DLG2: variants seen among roughly 807,000 people sequenced by gnomAD.
The protein encoded by DLG2 is discs large MAGUK scaffold protein 2, also known as disks large homolog 2.
In DLG2, 45 loss-of-function variants were observed where a neutral mutation model predicts 132.5. The observed-to-expected ratio is 0.34, with a 90% confidence interval of 0.27 to 0.44. The LOEUF (loss-of-function observed/expected upper bound fraction) is 0.44, where lower values mean the gene tolerates loss of function less well. Among genes scored for constraint, DLG2 ranks in the 20% least tolerant of loss-of-function variants. DLG2 has a pLI of 1.00. For synonymous variants in DLG2, 424 were observed against 419.6 expected (o/e 1.01, Z -0.13); for missense variants, 1,045 against 1,196.9 (o/e 0.87, Z 1.87).
At chr11:84,184,078 T>C (rs1368982596) in intron 8 of DLG2, among the ~76,000 whole-genome samples, 1 of 152,188 alleles carries the variant, frequency 6.6e-6, no homozygotes, top group Non-Finnish European at 1.5e-5. Flanking sequence ...TATAATCCTT[T>C]GGGTATATAC....
At chr11:84,642,134 G>A (rs1177823797) in intron 6 of DLG2, among the ~76,000 whole-genome samples, 1 of 147,168 alleles carries the variant, frequency 6.8e-6, no homozygotes, top group African/African-American at 2.5e-5. Context: ...GTGTGTGTGT[G>A]TGTGTGTGTA....
chr11:83,733,232 C>A (rs1399727631), intron 18 of DLG2, among the ~76,000 whole-genome samples: 4 of 133,394 alleles, frequency 3.0e-5, no homozygotes, highest in Middle Eastern at 3.6e-3. Context: ...TGGAGGGAGA[C>A]CCCATCTCAA....
At chr11:83,703,188 A>G (rs529531431) in intron 18 of DLG2, among the ~76,000 whole-genome samples, 1 of 152,308 alleles carries the variant, frequency 6.6e-6, no homozygotes, top group South Asian at 2.1e-4. Context: ...CCTACAATGG[A>G]ATATAAAGGG....
intron 22 of DLG2, among the ~76,000 whole-genome samples, chr11:83,476,076 T>C (rs568536700): frequency 6.6e-6 from 1 of 152,198 alleles, no homozygotes; most frequent in African/African-American, 2.4e-5. Flanking sequence ...TGCCATTCTT[T>C]AGGAATTCCT....
At chr11:84,816,441 A>G (rs577176794) in intron 6 of DLG2, among the ~76,000 whole-genome samples, 15 of 151,850 alleles carry the variant, frequency 9.9e-5, no homozygotes, top group African/African-American at 3.6e-4. Flanking sequence ...TTGAAATCTA[A>G]TGAATTTTCT....
intron 6 of DLG2, among the ~76,000 whole-genome samples, chr11:84,860,559 C>T (rs140699689): frequency 6.6e-6 from 1 of 152,062 alleles, no homozygotes; most frequent in African/African-American, 2.4e-5. Flanking sequence ...TCAAAAAGCC[C>T]TGTCATGCAT....
At chr11:84,038,530 T>C (rs913738342) in intron 11 of DLG2, among the ~76,000 whole-genome samples, 66 of 152,032 alleles carry the variant, frequency 4.3e-4, no homozygotes, top group Admixed American at 4.3e-3. Flanking sequence ...AATAATGTAA[T>C]ATATGTACAT....
At chr11:84,696,863 C>T in intron 6 of DLG2, among the ~76,000 whole-genome samples, 1 of 151,320 alleles carries the variant, frequency 6.6e-6, no homozygotes. Flanking sequence ...TCTTAATCCT[C>T]AAAATTTCCA....
intron 4 of DLG2, among the ~76,000 whole-genome samples, chr11:85,210,591 T>A (rs2082193160): frequency 6.6e-6 from 1 of 152,114 alleles, no homozygotes. Flanking sequence ...CACTCAGATC[T>A]CTTTCAAAAG....
chr11:84,124,646 T>C (rs1830186611), intron 9 of DLG2, among the ~76,000 whole-genome samples: 1 of 152,094 alleles, frequency 6.6e-6, no homozygotes, highest in Admixed American at 6.5e-5. Flanking sequence ...TCCCACACGG[T>C]ACATGTCAAA....
intron 6 of DLG2, among the ~76,000 whole-genome samples, chr11:84,998,653 A>G (rs1340649530): frequency 1.3e-5 from 2 of 152,200 alleles, no homozygotes; most frequent in Non-Finnish European, 2.9e-5. Flanking sequence ...CTGAGCAGGT[A>G]CGTAAAGTAT....
At chr11:84,612,187 T>C (rs548380333) in intron 6 of DLG2, among the ~76,000 whole-genome samples, 2 of 152,282 alleles carry the variant, frequency 1.3e-5, no homozygotes, top group Admixed American at 1.3e-4. Flanking sequence ...ATGTACTCTT[T>C]TTTAGCCTGG....
At chr11:85,347,734 G>A (rs957442374) in intron 3 of DLG2, among the ~76,000 whole-genome samples, 8 of 150,554 alleles carry the variant, frequency 5.3e-5, no homozygotes, top group African/African-American at 9.8e-5. Flanking sequence ...AAGTTTTCCC[G>A]TGTCTCCTAC....
chr11:83,635,373 T>A (rs772390630), intron 18 of DLG2, among the ~76,000 whole-genome samples: 6 of 152,244 alleles, frequency 3.9e-5, no homozygotes, highest in Non-Finnish European at 7.3e-5. Flanking sequence ...GACAATATGC[T>A]CAATGCTTCA....
At chr11:85,100,824 C>A (rs746095478) in intron 6 of DLG2, among the ~76,000 whole-genome samples, 21 of 152,202 alleles carry the variant, frequency 1.4e-4, no homozygotes, top group Non-Finnish European at 2.6e-4. Context: ...GCTACCTGGT[C>A]ATCTAAGAAC....
intron 18 of DLG2, among the ~76,000 whole-genome samples, chr11:83,708,173 T>C (rs2084504961): frequency 6.6e-6 from 1 of 152,222 alleles, no homozygotes; most frequent in African/African-American, 2.4e-5. Context: ...GTTTAAGTTA[T>C]ATTTGAAGTT....
intron 6 of DLG2, among the ~76,000 whole-genome samples, chr11:84,751,753 T>C (rs1392589858): frequency 6.6e-6 from 1 of 152,198 alleles, no homozygotes; most frequent in Non-Finnish European, 1.5e-5. Flanking sequence ...CAAATTGCAA[T>C]TGATCACAAG....
intron 10 of DLG2, among the ~76,000 whole-genome samples, chr11:84,092,683 C>T (rs866312412): frequency 3.9e-5 from 6 of 152,072 alleles, no homozygotes; most frequent in African/African-American, 2.4e-5. Flanking sequence ...GCTATGATTT[C>T]GCACACACAG....
chr11:84,116,334 C>A (rs865877431), intron 9 of DLG2, among the ~76,000 whole-genome samples: 2 of 152,192 alleles, frequency 1.3e-5, no homozygotes, highest in Admixed American at 1.3e-4. Context: ...CCTGCTCAAT[C>A]GAAATACTTT....
Sources: gnomAD v4.1 joint callset for allele counts (sites outside exome capture counted in the v4.1 genomes callset) on GRCh38, gnomAD v4.1.1 for gene constraint, MANE v1.5 for transcripts, NCBI Gene and HGNC (gene_info 2026-07-23, HGNC 2026-07-21) for gene names.